The following SLC25A48 variants were observed in gnomAD, a reference collection of about 807,000 sequenced individuals.
The protein encoded by SLC25A48 is solute carrier family 25 member 48, also known as CTC-321K16.1.
SLC25A48 carries 29 observed loss-of-function variants against 32.2 expected under a neutral mutation model. The ratio of observed to expected loss-of-function variants is 0.90; its 90% CI spans 0.67 to 1.23. The LOEUF (loss-of-function observed/expected upper bound fraction) is 1.23. Ranked by LOEUF, SLC25A48 falls within the 50% of genes most tolerant of loss-of-function variation. The pLI is 0.00. For synonymous variants in SLC25A48, 164 were observed against 172.3 expected (o/e 0.95, Z 0.38); for missense variants, 399 against 422.7 (o/e 0.94, Z 0.49).
chr5:135,798,451 C>G (rs1241600891), intron 3 of SLC25A48, among the ~76,000 whole-genome samples: 1 of 151,650 alleles, frequency 6.6e-6, no homozygotes, highest in East Asian at 1.9e-4. Flanking sequence ...TGATATTACT[C>G]CCAATATCGC....
Position 135,662,889 on chromosome 5 carries a change from G to T in SLC25A48, c.-521+27933G>T, listed in dbSNP as rs530579336. 3.3e-5 allele frequency among the ~76,000 whole-genome samples: 5 copies of T among 152,192 alleles called. No individual in the cohort carries two copies. In the South Asian group the frequency reaches 1.0e-3, roughly 32 times the overall value. On this transcript the variant is annotated intron_variant, in intron 3 of 10. Coordinates refer to the SLC25A48 transcript ENST00000646290. ...TAATATCCACTAGGGCGGCTTCAGT[G>T]TCATCTCCTGCACCAGGCAGGAGCT...
intron 4 of SLC25A48, among the ~76,000 whole-genome samples, chr5:135,861,549 C>A (rs1001077759): frequency 1.3e-5 from 2 of 152,124 alleles, no homozygotes; most frequent in Non-Finnish European, 2.9e-5. Flanking sequence ...AAGACCTCAG[C>A]ACAATGTCTG....
intron 3 of SLC25A48, among the ~76,000 whole-genome samples, chr5:135,665,108 A>G (rs1452696645): frequency 6.6e-6 from 1 of 152,142 alleles, no homozygotes; most frequent in Non-Finnish European, 1.5e-5. Flanking sequence ...CATTTTATTA[A>G]TGGCCATTCT....
intron 3 of SLC25A48, among the ~76,000 whole-genome samples, chr5:135,639,890 A>G (rs982908932): frequency 6.6e-6 from 1 of 152,244 alleles, no homozygotes; most frequent in South Asian, 2.1e-4. Flanking sequence ...CAGTGTGAGG[A>G]ATACAACAAA....
intron 4 of SLC25A48, among the ~76,000 whole-genome samples, chr5:135,854,981 G>A (rs2126748419): frequency 6.6e-6 from 1 of 152,326 alleles, no homozygotes; most frequent in East Asian, 1.9e-4. Context: ...AGGAAACAGG[G>A]CAGCCTGAGG....
At chr5:135,875,169 C>A (rs956526877) in intron 6 of SLC25A48, 1 of 153,592 alleles carries the variant, frequency 6.5e-6, no homozygotes, top group Non-Finnish European at 1.4e-5. Context: ...CATGGCTGCC[C>A]CACCCCAGGC....
At chr5:135,684,469 A>T (rs1753971734) in intron 3 of SLC25A48, among the ~76,000 whole-genome samples, 1 of 152,160 alleles carries the variant, frequency 6.6e-6, no homozygotes, top group South Asian at 2.1e-4. Context: ...AGTAAACTGT[A>T]TTGCAGTCTC....
chr5:135,771,212 G>T (rs1411717845), intron 3 of SLC25A48, among the ~76,000 whole-genome samples: 1 of 151,566 alleles, frequency 6.6e-6, no homozygotes, highest in Non-Finnish European at 1.5e-5. Context: ...GTAATAGCCG[G>T]GGGGGAGAAG....
At chr5:135,660,397 G>T (rs1240787874) in intron 3 of SLC25A48, among the ~76,000 whole-genome samples, 3 of 152,166 alleles carry the variant, frequency 2.0e-5, no homozygotes, top group Non-Finnish European at 4.4e-5. Context: ...GCTTTTGAAA[G>T]ACATGGTATT....
chr5:135,727,183 G>A (rs1170389058), intron 3 of SLC25A48, among the ~76,000 whole-genome samples: 2 of 55,134 alleles, frequency 3.6e-5, no homozygotes, highest in Non-Finnish European at 5.2e-5. Flanking sequence ...ATAGCCACAG[G>A]CTATATATAT....
At position 135,723,061 on chromosome 5, in the gene SLC25A48, A is replaced by T. The variant is rs546895609; in HGVS notation, c.-521+88105A>T. Among the ~76,000 whole-genome samples, 8 of 152,332 alleles carry T rather than the reference A, an allele frequency of 5.3e-5. No individual in the cohort carries two copies. The South Asian group carries it at 1.0e-3, about 20-fold the overall frequency. ...TTTGGAGAGGCCCGCATGGCTAGGTATCTTCTTGCTGAGGAAGGAGCCAGC... is the reference window on the plus strand; with the variant it reads ...TTTGGAGAGGCCCGCATGGCTAGGTTTCTTCTTGCTGAGGAAGGAGCCAGC... On this transcript the variant is annotated intron_variant, in intron 3 of 10. Coordinates refer to the SLC25A48 transcript ENST00000646290.
rs565776018 is a variant in SLC25A48, at chr5:135,861,613, A to G, written c.421+8792A>G. Reference sequence around the variant, plus strand: ...ATTATCAGTAAATGTATTATTTAACAATCTTCCTAATGGTGAATATTTAGG... The same window carrying G: ...ATTATCAGTAAATGTATTATTTAACGATCTTCCTAATGGTGAATATTTAGG... On this transcript the variant is annotated intron_variant, in intron 4 of 7. Coordinates refer to ENST00000681962, the MANE Select transcript of SLC25A48 (RefSeq NM_001349336.2). Among the ~76,000 whole-genome samples, 4 of 152,376 alleles carry G rather than the reference A, an allele frequency of 2.6e-5. No homozygotes were observed. The South Asian group carries it at 8.3e-4, about 32-fold the overall frequency.
At chr5:135,870,042 C>A (rs1334031271) in intron 4 of SLC25A48, among the ~76,000 whole-genome samples, 1 of 152,248 alleles carries the variant, frequency 6.6e-6, no homozygotes, top group East Asian at 1.9e-4. Context: ...ATTCTCCAAT[C>A]TCTAGACTGT....
intron 4 of SLC25A48, among the ~76,000 whole-genome samples, chr5:135,861,306 TACACACGCACACACACACAC>T (rs1403662970): frequency 2.3e-5 from 3 of 132,710 alleles, no homozygotes; most frequent in Non-Finnish European, 4.8e-5. Flanking sequence ...GTCCATCAAA[TACACACGCACACACACACAC>T]ACACACACAC....
At chr5:135,724,182 A>T (rs986976530) in intron 3 of SLC25A48, among the ~76,000 whole-genome samples, 1 of 152,322 alleles carries the variant, frequency 6.6e-6, no homozygotes, top group Non-Finnish European at 1.5e-5. Context: ...GCTGCCATTT[A>T]TTGAGCGTTT....
At chr5:135,711,829 C>T (rs1052218881) in intron 3 of SLC25A48, among the ~76,000 whole-genome samples, 3 of 152,034 alleles carry the variant, frequency 2.0e-5, no homozygotes, top group Admixed American at 2.0e-4. Context: ...TATTGATTAC[C>T]CCATCCCTCT....
intron 3 of SLC25A48, among the ~76,000 whole-genome samples, chr5:135,765,600 C>T (rs1253318746): frequency 2.6e-5 from 4 of 151,376 alleles, no homozygotes; most frequent in Admixed American, 2.6e-4. Flanking sequence ...AAGGACTGTA[C>T]ACCCCCCTGT....
At chr5:135,696,891 G>A (rs555531519) in intron 3 of SLC25A48, among the ~76,000 whole-genome samples, 4 of 152,190 alleles carry the variant, frequency 2.6e-5, no homozygotes, top group African/African-American at 4.8e-5. Flanking sequence ...ATGGGGCTGG[G>A]AAAGGGCCCC....
chr5:135,846,441 G>T (rs553847555), intron 2 of SLC25A48, among the ~76,000 whole-genome samples: 1 of 152,152 alleles, frequency 6.6e-6, no homozygotes, highest in Non-Finnish European at 1.5e-5. Context: ...CCAATCTGGG[G>T]CATGCATCTT....
Sources: gnomAD v4.1 joint callset for allele counts (sites outside exome capture counted in the v4.1 genomes callset) on GRCh38, gnomAD v4.1.1 for gene constraint, MANE v1.5 for transcripts, NCBI Gene and HGNC (gene_info 2026-07-23, HGNC 2026-07-21) for gene names.